The following COL19A1 variants were observed in gnomAD, a reference collection of about 807,000 sequenced individuals.
COL19A1 encodes collagen type XIX alpha 1 chain, also known as collagen alpha-1(XIX) chain.
A neutral mutation model predicts 190.2 loss-of-function variants in COL19A1; 159 were observed. That is an observed-to-expected ratio of 0.84 (90% CI 0.73 to 0.95). The LOEUF (loss-of-function observed/expected upper bound fraction) is 0.95. Ranked by LOEUF, COL19A1 falls within the 40% of genes least tolerant of loss-of-function variation. The pLI, the probability that COL19A1 is intolerant of heterozygous loss-of-function variation, is 0.00. For missense variants in COL19A1, 1,418 were observed against 1,431.9 expected (o/e 0.99, Z 0.16); for synonymous variants, 509 against 458.9 (o/e 1.11, Z -1.39).
intron 4 of COL19A1, among the ~76,000 whole-genome samples, chr6:69,907,113 T>A (rs148045663): frequency 0.17 from 22,418 of 131,620 alleles, 1,721 homozygotes; most frequent in African/African-American, 0.22. Context: ...TATTATTTTT[T>A]TTTTTTTTTT....
At chr6:69,897,244 C>G (rs1009268361) in intron 2 of COL19A1, among the ~76,000 whole-genome samples, 1 of 152,120 alleles carries the variant, frequency 6.6e-6, no homozygotes, top group East Asian at 1.9e-4. Flanking sequence ...ATCCATTTCC[C>G]ACTGAATCAA....
intron 4 of COL19A1, among the ~76,000 whole-genome samples, chr6:69,924,906 A>C (rs1342945593): frequency 6.6e-6 from 1 of 152,130 alleles, no homozygotes; most frequent in East Asian, 1.9e-4. Context: ...GTCTGTTCAC[A>C]TCCTTTGCCC....
chr6:70,199,696 G>T lies in COL19A1; in HGVS notation c.3183G>T (p.Lys1061Asn). Reference protein sequence around the residue: ...QAYGRPGPPGKDGLPGPPGDP... With the variant: ...QAYGRPGPPGNDGLPGPPGDP... Reference sequence around the variant, plus strand: ...ATGGGAGACCTGGGCCACCAGGGAAGGATGGGTTGCCTGGGCCACCAGGAG... The same window carrying T: ...ATGGGAGACCTGGGCCACCAGGGAATGATGGGTTGCCTGGGCCACCAGGAG... The change falls in exon 49 of 51, where the codon AAG (lysine) becomes AAT (asparagine). Residue 1061 changes from lysine to asparagine, a missense_variant. Transcript: ENST00000620364. 1 of 1,610,922 alleles carries T rather than the reference G, an allele frequency of 6.2e-7. No homozygotes were observed. The highest frequency in any genetic ancestry group is 1.1e-5 in the South Asian group (1 of 90,496).
intron 11 of COL19A1, 105 bp from the exon 12 acceptor site, chr6:70,023,522 A>C (rs1280387654): frequency 1.2e-6 from 1 of 868,918 alleles, no homozygotes; most frequent in Non-Finnish European, 1.8e-6. Context: ...AGGGTTTAGC[A>C]AAGTAATCAT....
At chr6:70,066,704 A>G (rs940833788) in intron 14 of COL19A1, among the ~76,000 whole-genome samples, 7 of 152,034 alleles carry the variant, frequency 4.6e-5, no homozygotes, top group African/African-American at 1.7e-4. Flanking sequence ...CTGGCCTTTT[A>G]GTTTCAACGT....
intron 2 of COL19A1, chr6:69,890,945 AG>A (rs1395500196): frequency 5.4e-5 from 11 of 204,510 alleles, no homozygotes; most frequent in Admixed American, 9.1e-5. Context: ...TCCTGCTGAC[AG>A]GGGTTGCTGT....
intron 4 of COL19A1, among the ~76,000 whole-genome samples, chr6:69,904,579 G>C (rs918244050): frequency 2.0e-5 from 3 of 152,158 alleles, no homozygotes; most frequent in Non-Finnish European, 4.4e-5. Flanking sequence ...CCACTACTGT[G>C]GGGGGTTCCA....
intron 11 of COL19A1, among the ~76,000 whole-genome samples, chr6:70,020,257 G>T (rs938912381): frequency 6.6e-6 from 1 of 151,884 alleles, no homozygotes; most frequent in Non-Finnish European, 1.5e-5. Flanking sequence ...ACCACTACAT[G>T]ATATTTTCCC....
intron 42 of COL19A1, among the ~76,000 whole-genome samples, chr6:70,179,442 C>T (rs1766027241): frequency 6.6e-6 from 1 of 152,184 alleles, no homozygotes; most frequent in Admixed American, 6.5e-5. Context: ...GGACCGTCTG[C>T]CCCTCTCGTC....
intron 11 of COL19A1, among the ~76,000 whole-genome samples, chr6:70,000,310 G>C (rs1320740681): frequency 3.3e-5 from 5 of 152,104 alleles, no homozygotes; most frequent in Non-Finnish European, 1.5e-5. Flanking sequence ...GCTACTGTAA[G>C]TAGTGCTGCA....
intron 39 of COL19A1, 47 bp from the exon 40 acceptor site, chr6:70,168,608 T>A: frequency 6.3e-7 from 1 of 1,599,694 alleles, no homozygotes; most frequent in Non-Finnish European, 8.5e-7. Flanking sequence ...ATTCTGTAAC[T>A]GCTTTGGTCA....
intron 14 of COL19A1, among the ~76,000 whole-genome samples, chr6:70,046,428 T>G (rs1283017931): frequency 6.6e-6 from 1 of 152,172 alleles, no homozygotes; most frequent in Non-Finnish European, 1.5e-5. Context: ...GATTCAACTC[T>G]CATTGCATTT....
At chr6:69,934,292 A>G (rs138339653) in intron 7 of COL19A1, among the ~76,000 whole-genome samples, 54 of 152,108 alleles carry the variant, frequency 3.6e-4, no homozygotes, top group African/African-American at 1.2e-3. Flanking sequence ...TAGAATGCCA[A>G]TCTACAGACT....
At chr6:70,050,091 C>G (rs1045283565) in intron 14 of COL19A1, among the ~76,000 whole-genome samples, 6 of 152,010 alleles carry the variant, frequency 3.9e-5, no homozygotes, top group African/African-American at 1.4e-4. Context: ...TGTTTCTTGA[C>G]CTTTCTGTGT....
At chr6:70,137,242 A>G (rs778277599) in intron 18 of COL19A1, among the ~76,000 whole-genome samples, 2 of 152,244 alleles carry the variant, frequency 1.3e-5, no homozygotes, top group African/African-American at 4.8e-5. Flanking sequence ...TTTGCTTCAT[A>G]TAACTGCTGA....
chr6:70,136,155 T>G lies in COL19A1; in HGVS notation c.1384-1530T>G, dbSNP rs887575195. 2.6e-5 allele frequency among the ~76,000 whole-genome samples: 4 copies of G among 152,180 alleles called. No homozygotes were observed. The East Asian group carries it at 7.7e-4, about 29-fold the overall frequency. On this transcript the variant is annotated intron_variant, in intron 18 of 50. Coordinates refer to ENST00000620364, the MANE Select transcript of COL19A1 (RefSeq NM_001858.6). ...GTATTCCATAAATCTAGAAGACTAA[T>G]TAATACAAACATGATCTTGTCTATC...
At chr6:69,998,949 A>T (rs917294200) in intron 11 of COL19A1, among the ~76,000 whole-genome samples, 10 of 151,492 alleles carry the variant, frequency 6.6e-5, no homozygotes, top group African/African-American at 2.2e-4. Flanking sequence ...ATTAGAGTTT[A>T]TGTTTATCTT....
At chr6:70,010,652 C>T (rs1777944010) in intron 11 of COL19A1, among the ~76,000 whole-genome samples, 1 of 138,698 alleles carries the variant, frequency 7.2e-6, no homozygotes, top group Non-Finnish European at 1.5e-5. Context: ...CTTTTCAGAC[C>T]GGCTTAAGAA....
intron 11 of COL19A1, among the ~76,000 whole-genome samples, chr6:70,016,525 A>G (rs1778117676): frequency 1.3e-5 from 2 of 150,106 alleles, no homozygotes; most frequent in South Asian, 4.2e-4. Context: ...AACTTATTGT[A>G]TGCTGGTTAC....
Sources: gnomAD v4.1 joint callset for allele counts (sites outside exome capture counted in the v4.1 genomes callset) on GRCh38, gnomAD v4.1.1 for gene constraint, MANE v1.5 for transcripts, NCBI Gene and HGNC (gene_info 2026-07-23, HGNC 2026-07-21) for gene names.